The following RNF31 variants were observed in gnomAD, a reference collection of about 807,000 sequenced individuals.
The protein encoded by RNF31 is ring finger protein 31, also known as E3 ubiquitin-protein ligase RNF31.
RNF31 carries 38 observed loss-of-function variants against 133.6 expected under a neutral mutation model. The observed-to-expected ratio is 0.28, with a 90% CI of 0.22 to 0.37. The LOEUF is 0.37. Among genes scored for constraint, RNF31 ranks in the 10% least tolerant of loss-of-function variants. RNF31 has a pLI of 1.00. For missense variants in RNF31, 1,118 were observed against 1,394.1 expected, an observed-to-expected ratio of 0.80 and a Z score of 3.15; for synonymous variants, 582 against 552.3, an observed-to-expected ratio of 1.05 and a Z score of -0.75.
chr14:24,147,495 C>T (rs2038184960), upstream of RNF31: 1 of 446,832 alleles, frequency 2.2e-6, no homozygotes, highest in Non-Finnish European at 3.8e-6. Flanking sequence ...CCCACCCTCT[C>T]TCCTAGTACT....
chr14:24,155,810 G>C lies in RNF31; in HGVS notation c.2493+118G>C. 1.2e-6 allele frequency: 1 copy of C among 814,930 alleles called. No individual in the cohort carries two copies. Among genetic ancestry groups the C allele is most frequent in the Non-Finnish European group, 2.0e-6 (1 of 488,858 alleles). 50.5% of individuals were successfully genotyped at this position (814,930 alleles called of 1,614,324 possible). On this transcript the variant is annotated intron_variant, in intron 14 of 20. Coordinates refer to ENST00000324103, the MANE Select transcript of RNF31 (RefSeq NM_017999.5). This position sits in a 1 kb window ranked among gnomAD's most constrained non-coding sequence, Gnocchi z 4.9. Reference sequence around the variant, plus strand: ...AGACATGAGCTCTGAGGTCAAAAGAGCTTACAGACTACTCAGAAAGACTAG... The same window carrying C: ...AGACATGAGCTCTGAGGTCAAAAGACCTTACAGACTACTCAGAAAGACTAG...
At chr14:24,149,307 A>G in intron 5 of RNF31, 99 bp from the exon 6 acceptor site, 1 of 1,234,614 alleles carries the variant, frequency 8.1e-7, no homozygotes, top group South Asian at 1.4e-5. Context: ...TTGGGTCCAG[A>G]TGTTTAAAAA....
Position 24,160,094 on chromosome 14 carries a change from G to A in RNF31, c.2996+134G>A. 3 of 1,313,928 alleles carry A rather than the reference G, an allele frequency of 2.3e-6. No homozygotes were observed. Among genetic ancestry groups the A allele is most frequent in the South Asian group, 1.3e-5 (1 of 76,018 alleles). 81.4% of individuals were successfully genotyped at this position (1,313,928 alleles called of 1,614,324 possible). A position where few individuals can be genotyped will look rare whatever the true frequency, so the allele number is the denominator to read the frequency against. Reference sequence around the variant, plus strand: ...GGGAGGGAGGAGGCTTTCTGGGCAAGGGCATGGGTAGATAGTAGCAGGCAG... The same window carrying A: ...GGGAGGGAGGAGGCTTTCTGGGCAAAGGCATGGGTAGATAGTAGCAGGCAG... On this transcript the variant is annotated intron_variant, in intron 19 of 20. Coordinates refer to ENST00000324103, the MANE Select transcript of RNF31 (RefSeq NM_017999.5). The surrounding 1 kb of genome is among the most constrained non-coding windows in gnomAD (Gnocchi z 4.0).
At position 24,148,556 on chromosome 14, in the gene RNF31, C is replaced by T. The variant is rs987426439; in HGVS notation, c.496-86C>T. On this transcript the variant is annotated intron_variant, in intron 3 of 20. Transcript: ENST00000324103. ...GGAGCTCCGGGTACTGATTTTCCTT[C>T]TGTGAATGTTAAGGGACCAGGGCTT... 21 of 1,584,054 alleles carry T rather than the reference C, an allele frequency of 1.3e-5. No individual in the cohort carries two copies. In the Admixed American group the frequency reaches 2.0e-4, roughly 15 times the overall value.
intron 14 of RNF31, among the ~76,000 whole-genome samples, chr14:24,156,649 T>G (rs992769802): frequency 3.3e-5 from 5 of 152,062 alleles, no homozygotes; most frequent in Admixed American, 3.3e-4. Context: ...TGTGGTGGCA[T>G]GTGCCTGTAA....
rs988122976 is a variant in RNF31, at chr14:24,151,506, G to C, written c.1759G>C (p.Gly587Arg). ...RRKVQELQSL[G>R]FGPEEGSLQA... ...GCAGGTGCAGGAGCTCCAGTCTCTA[G>C]GCTTTGGGCCTGAGGAGGGGTCTCT... Residue 587 changes from glycine (G) to arginine (R), a missense_variant, in exon 10 of 21, where the codon GGC becomes CGC. Physicochemically the swap from Gly to Arg is moderately radical, Grantham distance 125. This residue lies in a region of RNF31 where 747 missense variants were observed against 827.9 expected (regional missense o/e 0.90). Transcript: ENST00000324103. The surrounding 1 kb of genome is among the most constrained non-coding windows in gnomAD (Gnocchi z 5.3). 1.2e-6 allele frequency: 2 copies of C among 1,614,240 alleles called. No individual in the cohort carries two copies. The highest frequency in any genetic ancestry group is 1.7e-6 in the Non-Finnish European group (2 of 1,180,044).
chr14:24,156,443 A>G (rs1166347043), intron 14 of RNF31, among the ~76,000 whole-genome samples: 2 of 152,118 alleles, frequency 1.3e-5, no homozygotes, highest in Admixed American at 6.6e-5. Flanking sequence ...TACTGGGATT[A>G]CAGGCATGAG....
Position 24,151,812 on chromosome 14 carries a change from C to G in RNF31, c.1950C>G (p.Val650=). 16 of 1,612,834 alleles carry G rather than the reference C, an allele frequency of 9.9e-6. No individual in the cohort carries two copies. Among genetic ancestry groups the G allele is most frequent in the Non-Finnish European group, 1.2e-5 (14 of 1,179,330 alleles). ...GCCTGGTCAGGCGGCTTTTGGCAGT[C>G]TACGCACTCCCCAGCTGGGGCCGGG... The part of the protein sequence containing the change: ...KQSLVRRLLA[V]YALPSWGRAE... The change falls in exon 11 of 21, where the codon GTC becomes GTG. Residue 650 remains valine (V), a synonymous_variant. Transcript: ENST00000324103. This position sits in a 1 kb window ranked among gnomAD's most constrained non-coding sequence, Gnocchi z 5.3.
At chr14:24,149,168 G>A (rs2038225597) in intron 5 of RNF31, 1 of 595,278 alleles carries the variant, frequency 1.7e-6, no homozygotes, top group Non-Finnish European at 3.0e-6. Context: ...TCTCCATGTT[G>A]GTCAGGCTGG....
At chr14:24,159,755 C>A in intron 18 of RNF31, 109 bp from the exon 19 acceptor site, 2 of 830,934 alleles carry the variant, frequency 2.4e-6, no homozygotes, top group Non-Finnish European at 2.0e-6. Context: ...AGTTGCTGTG[C>A]TCGGTCCCTT....
In RNF31 at chr14:24,150,771, C is replaced by T. The variant is rs1486878351; in HGVS notation, c.1371C>T (p.Pro457=). ...CCAGCTCTTTGGAAAAGGGACCCCCCAAGCCTGGGCCCCCACGACGCCTTA... is the reference window on the plus strand; with the variant it reads ...CCAGCTCTTTGGAAAAGGGACCCCCTAAGCCTGGGCCCCCACGACGCCTTA... ...PYASSLEKGP[P]KPGPPRRLSA... is the part of the protein sequence containing the mutation. The change falls in exon 8 of 21, where the codon CCC becomes CCT. Residue 457 remains proline (P), a synonymous_variant. Coordinates refer to ENST00000324103, the MANE Select transcript of RNF31 (RefSeq NM_017999.5). 7 of 1,612,196 alleles carry T rather than the reference C, an allele frequency of 4.3e-6. No homozygotes were observed. The highest frequency in any genetic ancestry group is 5.9e-6 in the Non-Finnish European group (7 of 1,178,818).
In RNF31 at chr14:24,160,591, G is replaced by C; in HGVS notation, c.*18G>C. 1 of 1,513,534 alleles carries C rather than the reference G, an allele frequency of 6.6e-7. No individual in the cohort carries two copies. Among genetic ancestry groups the C allele is most frequent in the South Asian group, 1.3e-5 (1 of 74,706 alleles). The allele number at this position is 1,513,534 out of a possible 1,614,324, so 93.8% of individuals were successfully genotyped here. On this transcript the variant is annotated 3_prime_UTR_variant, in exon 21 of 21. Transcript: ENST00000324103. The surrounding 1 kb of genome is among the most constrained non-coding windows in gnomAD (Gnocchi z 4.0). ...GGAAGTAGCTGAGGGCAAGGGTCCC[G>C]ATGAGGGTCCCATGGCCTGCTCCCT...
Position 24,151,590 on chromosome 14 carries a change from C to CA in RNF31, c.1845dup (p.Arg616ThrfsTer15). The CA allele has an allele frequency of 6.2e-7, 1 of 1,614,088 alleles. No individual in the cohort carries two copies. The highest frequency in any genetic ancestry group is 8.5e-7 in the Non-Finnish European group (1 of 1,180,036). The stretch of plus-strand genomic sequence containing the variant: ...ACGGGCCCTGACTGAGCTACAGCGC[C>CA]AACGCCTAGAGCCCTTCCGCCAGCG... On this transcript the variant is annotated frameshift_variant, in exon 10 of 21. Transcript: ENST00000324103. LOFTEE classifies it high-confidence loss of function. This position sits in a 1 kb window ranked among gnomAD's most constrained non-coding sequence, Gnocchi z 5.3.
chr14:24,149,914 G>A (rs1392379437), intron 6 of RNF31, 147 bp from the exon 7 acceptor site: 3 of 979,116 alleles, frequency 3.1e-6, no homozygotes, highest in African/African-American at 1.6e-5. Flanking sequence ...TGTTGCATAA[G>A]CTATGGGTAT....
rs115578731 is a variant in RNF31, at chr14:24,147,569, C to T, written c.-130C>T. Reference sequence around the variant, plus strand: ...GGAGAGTGACCGTGGTCTGAGTGACCTGGGGCGGCTGCGTGGGCCGGGGTG... The same window carrying T: ...GGAGAGTGACCGTGGTCTGAGTGACTTGGGGCGGCTGCGTGGGCCGGGGTG... On this transcript the variant is annotated 5_prime_UTR_variant, in exon 1 of 21. Transcript: ENST00000324103. The T allele has an allele frequency of 0.034, 26,189 of 759,494 alleles. 883 individuals are homozygous for T. Among genetic ancestry groups the T allele is most frequent in the African/African-American group, 0.14 (7,613 of 53,660 alleles). The allele number at this position is 759,494 out of a possible 1,614,324, so 47.0% of individuals were successfully genotyped here.
In RNF31 at chr14:24,151,428, A is replaced by T. The variant is rs774122259; in HGVS notation, c.1737+49A>T. On this transcript the variant is annotated intron_variant, in intron 9 of 20. Coordinates refer to ENST00000324103, the MANE Select transcript of RNF31 (RefSeq NM_017999.5). The surrounding 1 kb of genome is among the most constrained non-coding windows in gnomAD (Gnocchi z 5.3). ...ATAGGGTCGAGAGTCTGCATCTCTCACACTCTCCCTTGCTTGCTTTCCCAC... is the reference window on the plus strand; with the variant it reads ...ATAGGGTCGAGAGTCTGCATCTCTCTCACTCTCCCTTGCTTGCTTTCCCAC... The T allele has an allele frequency of 1.2e-6, 2 of 1,613,202 alleles. No individual in the cohort carries two copies. The highest frequency in any genetic ancestry group is 1.7e-6 in the Non-Finnish European group (2 of 1,179,224).
intron 7 of RNF31, 52 bp downstream of exon 7, chr14:24,150,500 C>T: frequency 6.3e-7 from 1 of 1,579,230 alleles, no homozygotes; most frequent in Non-Finnish European, 8.6e-7. Flanking sequence ...CATTCTCTTC[C>T]CTATCCCATG....
Position 24,155,039 on chromosome 14 carries a change from A to T in RNF31, c.2131-118A>T. 2 of 975,112 alleles carry T rather than the reference A, an allele frequency of 2.1e-6. No homozygotes were observed. Among genetic ancestry groups the T allele is most frequent in the Non-Finnish European group, 3.0e-6 (2 of 657,028 alleles). The allele number at this position is 975,112 out of a possible 1,614,324, so 60.4% of individuals were successfully genotyped here. On this transcript the variant is annotated intron_variant, in intron 11 of 20. Coordinates refer to ENST00000324103, the MANE Select transcript of RNF31 (RefSeq NM_017999.5). This position sits in a 1 kb window ranked among gnomAD's most constrained non-coding sequence, Gnocchi z 4.9. Reference sequence around the variant, plus strand: ...GCCCCTGCTGGCACTTGAGGTTGTTAACCCTGCCCAGTTGTTAATTAGACC... The same window carrying T: ...GCCCCTGCTGGCACTTGAGGTTGTTTACCCTGCCCAGTTGTTAATTAGACC...
At position 24,154,866 on chromosome 14, in the gene RNF31, C is replaced by G. The variant is rs981710407; in HGVS notation, c.2131-291C>G. On this transcript the variant is annotated intron_variant, in intron 11 of 20. Transcript: ENST00000324103. Reference sequence around the variant, plus strand: ...CTGGCAACCATGAAGCTGTTCTCCACCTCTATAGTTTTGTCATTTCAAGCA... The same window carrying G: ...CTGGCAACCATGAAGCTGTTCTCCAGCTCTATAGTTTTGTCATTTCAAGCA... The G allele has an allele frequency of 7.4e-5, 32 of 431,714 alleles. 1 individual carries two copies. The highest frequency in any genetic ancestry group is 1.2e-4 in the Non-Finnish European group (28 of 236,778). The allele number at this position is 431,714 out of a possible 1,614,324, so 26.7% of individuals were successfully genotyped here. A position where few individuals can be genotyped will look rare whatever the true frequency, so the allele number is the denominator to read the frequency against.
Sources: gnomAD v4.1 joint callset for allele counts (sites outside exome capture counted in the v4.1 genomes callset) on GRCh38, gnomAD v4.1.1 for gene constraint, gnomAD v4.1.1 regional missense constraint, Gnocchi (gnomAD v3.1) non-coding constraint, MANE v1.5 for transcripts, NCBI Gene and HGNC (gene_info 2026-07-23, HGNC 2026-07-21) for gene names.